Variants in IL17RD observed in about 807,000 individuals in gnomAD.
The protein encoded by IL17RD is interleukin 17 receptor D, also known as interleukin-17 receptor D.
Under a neutral mutation model 80.5 loss-of-function variants are expected in IL17RD, and 52 were observed. The observed-to-expected ratio is 0.65, with a 90% CI of 0.52 to 0.81. The LOEUF is 0.81. Among genes scored for constraint, IL17RD ranks in the 40% least tolerant of loss-of-function variants. IL17RD has a pLI of 0.00. For missense variants in IL17RD, 1,024 were observed against 955.1 expected (o/e 1.07, Z -0.95); for synonymous variants, 416 against 391.8 (o/e 1.06, Z -0.73).
At chr3:57,142,323 T>C in intron 1 of IL17RD, 1 of 336,466 alleles carries the variant, frequency 3.0e-6, no homozygotes, top group Non-Finnish European at 5.9e-6. Context: ...ACAAAAACAG[T>C]GTCCAGATGT....
At chr3:57,101,051 G>A (rs1706815216) in intron 11 of IL17RD, 128 bp downstream of exon 11, 2 of 658,344 alleles carry the variant, frequency 3.0e-6, no homozygotes, top group Non-Finnish European at 5.3e-6. Context: ...TCCCCAGTTT[G>A]AAAGCTGTGG....
chr3:57,099,483 T>C (rs1706779028), intron 11 of IL17RD, among the ~76,000 whole-genome samples: 1 of 152,230 alleles, frequency 6.6e-6, no homozygotes, highest in Non-Finnish European at 1.5e-5. Flanking sequence ...CCAATGGCTA[T>C]GACGAAACAC....
In IL17RD at chr3:57,109,914, C is replaced by T. The variant is rs78345417; in HGVS notation, c.430-257G>A. The stretch of plus-strand genomic sequence containing the variant: ...TTAATACTGAACCTCAGAGTTGGGG[C>T]GCAGGGTGAGCCCACATACACTCTT... On this transcript the variant is annotated intron_variant, in intron 4 of 12. Coordinates refer to ENST00000296318, the MANE Select transcript of IL17RD (RefSeq NM_017563.5). Among the ~76,000 whole-genome samples, 25,342 of 152,208 alleles carry T rather than the reference C, an allele frequency of 0.17. 2,584 individuals are homozygous for T. Among genetic ancestry groups the T allele is most frequent in the East Asian group, 0.37 (1,905 of 5,170 alleles).
chr3:57,159,711 G>C (rs1407312635), intron 1 of IL17RD, among the ~76,000 whole-genome samples: 1 of 152,214 alleles, frequency 6.6e-6, no homozygotes, highest in East Asian at 1.9e-4. Flanking sequence ...AGGTCTGGCT[G>C]CCAGGGCAGG....
rs375485833 is a variant in IL17RD, at chr3:57,127,251, T to A, written c.127-6938A>T. On this transcript the variant is annotated intron_variant, in intron 1 of 12. Transcript: ENST00000296318. ...ATATAAAAATATATAAATATATATA[T>A]AAATATATATAAATATATATAAAAA... Among the ~76,000 whole-genome samples, 913 of 91,938 alleles carry A rather than the reference T, an allele frequency of 9.9e-3. 46 individuals are homozygous for A. The highest frequency in any genetic ancestry group is 0.018 in the East Asian group (46 of 2,606). The allele number at this position is 91,938 out of a possible 152,430, so 60.3% of individuals were successfully genotyped here.
At chr3:57,164,672 T>C (rs528400486) in intron 1 of IL17RD, among the ~76,000 whole-genome samples, 1 of 151,948 alleles carries the variant, frequency 6.6e-6, no homozygotes, top group East Asian at 2.0e-4. Flanking sequence ...GCGGGGCGCA[T>C]CCCTCCCCGG....
chr3:57,119,903 T>C (rs565385343), intron 2 of IL17RD, among the ~76,000 whole-genome samples: 2 of 152,324 alleles, frequency 1.3e-5, no homozygotes, highest in African/African-American at 4.8e-5. Context: ...CAGTTTGCCA[T>C]ACTGTCCACC....
In IL17RD at chr3:57,120,277, T is replaced by G; in HGVS notation, c.163A>C (p.Asn55His). The G allele has an allele frequency of 6.2e-7, 1 of 1,613,676 alleles. No individual in the cohort carries two copies. The highest frequency in any genetic ancestry group is 1.6e-4 in the Middle Eastern group (1 of 6,062). The change falls in exon 2 of 13, where the codon AAC becomes CAC. Residue 55 changes from asparagine (N) to histidine (H), a missense_variant. By Grantham distance (68) the Asn-to-His change is moderately conservative. Transcript: ENST00000296318. ...TTACTGTCATATTTGAAGGTGATGT[T>G]GTACAGCCCACTGTTTCTGCTGGCT... ...GPASRNSGLYNITFKYDNCTT... is the reference protein window; with the variant it reads ...GPASRNSGLYHITFKYDNCTT...
In IL17RD at chr3:57,090,609, T is replaced by TG. The variant is rs1478938051; in HGVS notation, c.*5783dup. 5 of 152,376 alleles carry TG rather than the reference T, an allele frequency of 3.3e-5. No homozygotes were observed. The highest frequency in any genetic ancestry group is 1.2e-4 in the African/African-American group (5 of 41,580). The allele number at this position is 152,376 out of a possible 1,614,324, so 9.4% of individuals were successfully genotyped here. ...TAGTAGAGACAGGGTTTCACCATGT[T>TG]GGTCAGGCTGGTCTTGAACTCTGGA... On this transcript the variant is annotated 3_prime_UTR_variant, in exon 13 of 13. Transcript: ENST00000296318.
chr3:57,134,527 T>A, intron 1 of IL17RD: 1 of 1,357,628 alleles, frequency 7.4e-7, no homozygotes, highest in Non-Finnish European at 1.0e-6. Flanking sequence ...AAGGGGAATG[T>A]GTTCAAAAAC....
chr3:57,144,372 T>C (rs1406421150), intron 1 of IL17RD, among the ~76,000 whole-genome samples: 1 of 152,202 alleles, frequency 6.6e-6, no homozygotes, highest in Non-Finnish European at 1.5e-5. Context: ...CTGGCTTGTG[T>C]CACAGACCCT....
At chr3:57,097,479 T>C in intron 12 of IL17RD, 117 bp downstream of exon 12, 1 of 746,292 alleles carries the variant, frequency 1.3e-6, no homozygotes, top group Non-Finnish European at 2.3e-6. Context: ...AGCTGTGTTC[T>C]CATCAGGTTT....
At chr3:57,146,503 C>A (rs1403907022) in intron 1 of IL17RD, among the ~76,000 whole-genome samples, 1 of 152,066 alleles carries the variant, frequency 6.6e-6, no homozygotes, top group Non-Finnish European at 1.5e-5. Context: ...GTAATCCCAG[C>A]ACGTTGGAAG....
At chr3:57,163,802 A>AGGGGGGGGGG (rs1559489790) in intron 1 of IL17RD, among the ~76,000 whole-genome samples, 3 of 7,404 alleles carry the variant, frequency 4.1e-4, no homozygotes, top group East Asian at 4.1e-3. Context: ...GCGGGGGGGG[A>AGGGGGGGGGG]AGGGGGTGGC....
chr3:57,153,296 A>G (rs2060242361), intron 1 of IL17RD, among the ~76,000 whole-genome samples: 1 of 152,238 alleles, frequency 6.6e-6, no homozygotes, highest in African/African-American at 2.4e-5. Flanking sequence ...TATTGCTAAA[A>G]CTGCATCTAC....
At chr3:57,165,360 T>TGGCCGCGGC (rs1302497939), upstream of IL17RD, 1,008 of 1,159,132 alleles carry the variant, frequency 8.7e-4, 10 homozygotes, top group African/African-American at 0.011. Flanking sequence ...GAGTGGGCGG[T>TGGCCGCGGC]GGCCGCGGCG....
chr3:57,160,569 C>T (rs2060296947), intron 1 of IL17RD, among the ~76,000 whole-genome samples: 1 of 152,114 alleles, frequency 6.6e-6, no homozygotes, highest in Admixed American at 6.5e-5. Context: ...TAGCTTCTCC[C>T]CCGCCCCGCT....
At chr3:57,117,406 G>T (rs1391586578) in intron 2 of IL17RD, among the ~76,000 whole-genome samples, 12 of 152,256 alleles carry the variant, frequency 7.9e-5, no homozygotes. Context: ...GAGCCACTGT[G>T]CCCAGCCAAT....
rs1480438680 is a variant in IL17RD at position 57,102,002 on chromosome 3, G to A, written c.979+477C>T. Among the ~76,000 whole-genome samples, 4 of 44,200 alleles carry A rather than the reference G, an allele frequency of 9.0e-5. No individual in the cohort carries two copies. The East Asian group carries it at 1.0e-3, about 11-fold the overall frequency. The allele number at this position is 44,200 out of a possible 152,430, so 29.0% of individuals were successfully genotyped here. A position where few individuals can be genotyped will look rare whatever the true frequency, so the allele number is the denominator to read the frequency against. On this transcript the variant is annotated intron_variant, in intron 10 of 12. Transcript: ENST00000296318. ...GGGCCAGATGCAGTGTCTCATGCCT[G>A]TAATCCCAGCATGAGAGGGAGGCTG...
Sources: allele counts gnomAD v4.1 joint callset (sites outside exome capture counted in the v4.1 genomes callset), GRCh38; gene constraint gnomAD v4.1.1; transcripts MANE v1.5; gene names NCBI Gene and HGNC (gene_info 2026-07-23, HGNC 2026-07-21).